RAB38: variants seen among roughly 807,000 people sequenced by gnomAD.
The protein encoded by RAB38 is RAB38, member RAS oncogene family.
Under a neutral mutation model 18.4 loss-of-function variants are expected in RAB38, and 15 were observed. The ratio of observed to expected loss-of-function variants is 0.82; its 90% CI spans 0.55 to 1.26. The LOEUF (loss-of-function observed/expected upper bound fraction) is 1.26, where lower values mean the gene tolerates loss of function less well. Ranked by LOEUF, RAB38 falls within the 50% of genes most tolerant of loss-of-function variation. The pLI is 0.00. For missense variants in RAB38, 294 were observed against 267.4 expected (o/e 1.10, Z -0.69); for synonymous variants, 101 against 104.4 (o/e 0.97, Z 0.20).
the RAB38 span, among the ~76,000 whole-genome samples, chr11:87,963,490 A>G: frequency 4.3e-3 from 649 of 152,294 alleles, 4 homozygotes; most frequent in African/African-American, 0.015. Context: ...TAGAAAACCT[A>G]GGAGTGGGAC....
At chr11:87,912,119 A>T in the RAB38 span, among the ~76,000 whole-genome samples, 1 of 151,878 alleles carries the variant, frequency 6.6e-6, no homozygotes, top group Non-Finnish European at 1.5e-5. Flanking sequence ...AATGTTAAGA[A>T]GTTTTGCATT....
the RAB38 span, among the ~76,000 whole-genome samples, chr11:87,902,314 T>A: frequency 1.3e-5 from 2 of 151,590 alleles, no homozygotes; most frequent in Non-Finnish European, 3.0e-5. Flanking sequence ...CAAATACTTT[T>A]CATATAGATA....
chr11:88,029,712 G>A, the RAB38 span, among the ~76,000 whole-genome samples: 1 of 152,018 alleles, frequency 6.6e-6, no homozygotes, highest in African/African-American at 2.4e-5. Context: ...CAATACAGGA[G>A]CACCCAGATT....
chr11:87,946,719 C>A, the RAB38 span, among the ~76,000 whole-genome samples: 7 of 152,130 alleles, frequency 4.6e-5, no homozygotes, highest in Admixed American at 4.6e-4. Flanking sequence ...AGGACATGAA[C>A]TCATCATTTT....
the RAB38 span, among the ~76,000 whole-genome samples, chr11:87,931,457 C>T: frequency 6.6e-6 from 1 of 151,968 alleles, no homozygotes; most frequent in Non-Finnish European, 1.5e-5. Flanking sequence ...AATGTGTCTA[C>T]TTTTGCTTGG....
At chr11:87,808,661 G>A in the RAB38 span, among the ~76,000 whole-genome samples, 1 of 146,804 alleles carries the variant, frequency 6.8e-6, no homozygotes, top group Non-Finnish European at 1.5e-5. Flanking sequence ...TAGATTTTAA[G>A]TGTTTTCATT....
At chr11:87,964,219 G>A in the RAB38 span, among the ~76,000 whole-genome samples, 3 of 152,172 alleles carry the variant, frequency 2.0e-5, no homozygotes, top group South Asian at 6.2e-4. Flanking sequence ...AGCCTTGACC[G>A]ATCTCAGCAA....
chr11:88,109,026 C>G (rs899496764), downstream of RAB38, among the ~76,000 whole-genome samples: 1 of 152,104 alleles, frequency 6.6e-6, no homozygotes, highest in Non-Finnish European at 1.5e-5. Flanking sequence ...TGATGGGTTT[C>G]CCTCTGTGGG....
the RAB38 span, among the ~76,000 whole-genome samples, chr11:87,929,929 G>A: frequency 3.0e-4 from 45 of 152,060 alleles, no homozygotes; most frequent in Non-Finnish European, 3.8e-4. Context: ...ATTCCATGGT[G>A]TATATATGCC....
the RAB38 span, among the ~76,000 whole-genome samples, chr11:87,840,007 A>C: frequency 6.6e-6 from 1 of 152,192 alleles, no homozygotes; most frequent in African/African-American, 2.4e-5. Context: ...CATTATGTAA[A>C]CCAGTGAGCC....
At chr11:88,064,839 C>T in the RAB38 span, among the ~76,000 whole-genome samples, 1 of 152,102 alleles carries the variant, frequency 6.6e-6, no homozygotes, top group African/African-American at 2.4e-5. Flanking sequence ...TTTGTGAATG[C>T]CTACTGTTTG....
chr11:87,936,970 C>A, the RAB38 span, among the ~76,000 whole-genome samples: 4 of 151,742 alleles, frequency 2.6e-5, no homozygotes, highest in Admixed American at 6.6e-5. Flanking sequence ...CATTTCTTTC[C>A]TTGCCTTACT....
chr11:87,934,846 T>A, the RAB38 span, among the ~76,000 whole-genome samples: 1 of 152,212 alleles, frequency 6.6e-6, no homozygotes, highest in African/African-American at 2.4e-5. Flanking sequence ...AAGGTAACAC[T>A]GAGGTAGCAG....
At chr11:88,066,145 T>C in the RAB38 span, among the ~76,000 whole-genome samples, 1 of 152,244 alleles carries the variant, frequency 6.6e-6, no homozygotes, top group African/African-American at 2.4e-5. Flanking sequence ...TTTACTTGGT[T>C]GTCAAAACTT....
At chr11:87,917,997 C>T in the RAB38 span, 2 of 151,940 alleles carry the variant, frequency 1.3e-5, no homozygotes, top group Non-Finnish European at 2.9e-5. Context: ...AGAGGGAAGA[C>T]CCATATAGAG....
the RAB38 span, among the ~76,000 whole-genome samples, chr11:88,025,081 T>A: frequency 1.3e-5 from 2 of 152,050 alleles, no homozygotes; most frequent in African/African-American, 2.4e-5. Context: ...TTTTCCATGA[T>A]GCGATTATTA....
At chr11:87,868,985 G>C in the RAB38 span, among the ~76,000 whole-genome samples, 1 of 151,712 alleles carries the variant, frequency 6.6e-6, no homozygotes, top group Non-Finnish European at 1.5e-5. Flanking sequence ...TTGTGCTCCA[G>C]AGATTCCCAC....
the RAB38 span, among the ~76,000 whole-genome samples, chr11:87,919,012 C>T: frequency 1.3e-5 from 2 of 151,368 alleles, no homozygotes; most frequent in Non-Finnish European, 2.9e-5. Flanking sequence ...CAGTTTAGGT[C>T]TTTAATCAAT....
At chr11:87,875,196 A>G in the RAB38 span, among the ~76,000 whole-genome samples, 6 of 151,494 alleles carry the variant, frequency 4.0e-5, no homozygotes, top group Admixed American at 4.0e-4. Flanking sequence ...ATGATAGGTA[A>G]GTTAAGTGGT....
Sources: allele counts gnomAD v4.1 joint callset (sites outside exome capture counted in the v4.1 genomes callset), GRCh38; gene constraint gnomAD v4.1.1; transcripts MANE v1.5; gene names NCBI Gene and HGNC (gene_info 2026-07-23, HGNC 2026-07-21).